ARID1B: variants seen among roughly 807,000 people sequenced by gnomAD.
ARID1B encodes the protein AT-rich interaction domain 1B.
Under a neutral mutation model 212.3 loss-of-function variants are expected in ARID1B, and 30 were observed. The ratio of observed to expected loss-of-function variants is 0.14; its 90% CI spans 0.11 to 0.19. The LOEUF is 0.19. Ranked by LOEUF, ARID1B falls within the 10% of genes least tolerant of loss-of-function variation. ARID1B has a pLI of 1.00. For missense variants in ARID1B, 2,891 were observed against 3,204.0 expected (o/e 0.90, Z 2.36); for synonymous variants, 1,402 against 1,301.7 (o/e 1.08, Z -1.66).
intron 3 of ARID1B, among the ~76,000 whole-genome samples, chr6:156,918,900 G>T (rs1427252150): frequency 6.6e-6 from 1 of 152,008 alleles, no homozygotes; most frequent in African/African-American, 2.4e-5. Context: ...TTTCTCCCTT[G>T]GGGGAAAAAC....
At chr6:156,972,526 A>G (rs1328701880) in intron 4 of ARID1B, among the ~76,000 whole-genome samples, 1 of 152,242 alleles carries the variant, frequency 6.6e-6, no homozygotes, top group Non-Finnish European at 1.5e-5. Context: ...TTTAGTTACC[A>G]GTGGAAGATG....
At chr6:156,933,073 G>A (rs1228271906) in intron 3 of ARID1B, among the ~76,000 whole-genome samples, 2 of 152,098 alleles carry the variant, frequency 1.3e-5, no homozygotes, top group African/African-American at 4.8e-5. Context: ...TTATTTTAGG[G>A]GGACGATGTC....
chr6:156,822,956 G>C (rs776930652), intron 1 of ARID1B, among the ~76,000 whole-genome samples: 1 of 152,188 alleles, frequency 6.6e-6, no homozygotes, highest in Non-Finnish European at 1.5e-5. Context: ...AAAAACAGAG[G>C]CATTTTGAGC....
chr6:157,160,444 C>G (rs1195497819), intron 8 of ARID1B, among the ~76,000 whole-genome samples: 1 of 152,224 alleles, frequency 6.6e-6, no homozygotes, highest in Non-Finnish European at 1.5e-5. Context: ...CGTTTCACCT[C>G]CACGATATTG....
intron 11 of ARID1B, among the ~76,000 whole-genome samples, chr6:157,178,887 T>TC (rs1040278545): frequency 2.6e-5 from 4 of 152,124 alleles, no homozygotes; most frequent in Admixed American, 2.6e-4. Context: ...CCAGAACCAC[T>TC]CCCCAGTTTC....
chr6:157,160,454 G>A (rs1440736025), intron 8 of ARID1B, among the ~76,000 whole-genome samples: 4 of 152,128 alleles, frequency 2.6e-5, no homozygotes, highest in South Asian at 4.1e-4. Flanking sequence ...CCACGATATT[G>A]CTCAACTCTC....
At chr6:157,042,497 T>C (rs998947025) in intron 4 of ARID1B, among the ~76,000 whole-genome samples, 89 of 152,156 alleles carry the variant, frequency 5.8e-4, no homozygotes, top group African/African-American at 2.0e-3. Context: ...TAATATTTGA[T>C]ATAAACTATT....
At chr6:157,142,381 T>A (rs1383817833) in intron 7 of ARID1B, among the ~76,000 whole-genome samples, 2 of 152,110 alleles carry the variant, frequency 1.3e-5, no homozygotes, top group East Asian at 3.8e-4. Context: ...ATCACAGCAC[T>A]TTGGGAGGCC....
intron 1 of ARID1B, among the ~76,000 whole-genome samples, chr6:156,783,951 A>T (rs1779456209): frequency 6.6e-6 from 1 of 152,140 alleles, no homozygotes; most frequent in Non-Finnish European, 1.5e-5. Context: ...ATTGATATTT[A>T]TGTTTGATAG....
chr6:156,948,556 A>G (rs757779184), intron 4 of ARID1B, among the ~76,000 whole-genome samples: 5 of 152,224 alleles, frequency 3.3e-5, no homozygotes, highest in African/African-American at 7.2e-5. Flanking sequence ...TAGTTGCTGC[A>G]TTTATGCCTT....
Position 157,125,306 on chromosome 6 carries a change from AG to A in ARID1B, c.2582-7721del, listed in dbSNP as rs530619571. Among the ~76,000 whole-genome samples the A allele has an allele frequency of 6.2e-3, 949 of 152,332 alleles. 11 individuals carry two copies. The highest frequency in any genetic ancestry group is 0.022 in the African/African-American group (909 of 41,566). On this transcript the variant is annotated intron_variant, in intron 6 of 19. Coordinates refer to ENST00000636930, the MANE Select transcript of ARID1B (RefSeq NM_001374828.1). The stretch of plus-strand genomic sequence containing the variant: ...GCCTGGCTGGAGATGCTCAAAGCTT[AG>A]AGGGCAGGAAGTCGTCAATGCTGGC...
chr6:157,012,449 T>C (rs961809093), intron 4 of ARID1B, among the ~76,000 whole-genome samples: 1 of 152,178 alleles, frequency 6.6e-6, no homozygotes, highest in African/African-American at 2.4e-5. Context: ...GTCACTTAGA[T>C]TGAGAATACA....
rs1246202974 is a variant in ARID1B, at chr6:156,778,476, G to A, written c.796G>A (p.Gly266Ser). 5.4e-6 allele frequency: 7 copies of A among 1,302,202 alleles called. No homozygotes were observed. The South Asian group carries it at 7.3e-5, about 14-fold the overall frequency. The allele number at this position is 1,302,202 out of a possible 1,614,324, so 80.7% of individuals were successfully genotyped here. A position where few individuals can be genotyped will look rare whatever the true frequency, so the allele number is the denominator to read the frequency against. The change falls in exon 1 of 20, where the codon GGC (glycine) becomes AGC (serine). Residue 266 changes from glycine (G) to serine (S), a missense_variant. By Grantham distance (56) the Gly-to-Ser change is moderately conservative. Transcript: ENST00000636930. Reference protein sequence around the residue: ...PPGPPLLSKPGDEDDAPPKMG... With the variant: ...PPGPPLLSKPSDEDDAPPKMG... Reference sequence around the variant, plus strand: ...GGGCCCGCCGCTGCTGAGCAAGCCGGGCGACGAGGACGACGCGCCGCCCAA... The same window carrying A: ...GGGCCCGCCGCTGCTGAGCAAGCCGAGCGACGAGGACGACGCGCCGCCCAA...
chr6:157,097,757 CTT>C (rs1785752423), intron 5 of ARID1B, among the ~76,000 whole-genome samples: 1 of 152,222 alleles, frequency 6.6e-6, no homozygotes, highest in South Asian at 2.1e-4. Flanking sequence ...CTCAGCTAAT[CTT>C]TCTCCTGGGG....
chr6:157,049,316 T>C (rs1252027199), intron 4 of ARID1B, among the ~76,000 whole-genome samples: 1 of 152,130 alleles, frequency 6.6e-6, no homozygotes, highest in Non-Finnish European at 1.5e-5. Context: ...TCCTCAAGTG[T>C]GACCTTCCTT....
intron 1 of ARID1B, among the ~76,000 whole-genome samples, chr6:156,800,934 G>A (rs1015372843): frequency 6.6e-6 from 1 of 152,156 alleles, no homozygotes; most frequent in African/African-American, 2.4e-5. Flanking sequence ...GTTAATGTCT[G>A]CAGTGGCATT....
intron 1 of ARID1B, among the ~76,000 whole-genome samples, chr6:156,805,762 A>G (rs185750695): frequency 6.6e-5 from 10 of 152,234 alleles, no homozygotes; most frequent in Non-Finnish European, 1.3e-4. Context: ...TGCAGCGTGT[A>G]ACTCCTGGGC....
chr6:157,083,484 C>T (rs1562603112), intron 4 of ARID1B, among the ~76,000 whole-genome samples: 1 of 152,166 alleles, frequency 6.6e-6, no homozygotes, highest in Non-Finnish European at 1.5e-5. Context: ...GAAGTAAAGG[C>T]TTTGTCTGCG....
chr6:157,000,547 T>C (rs1176750771), intron 4 of ARID1B, among the ~76,000 whole-genome samples: 1 of 152,184 alleles, frequency 6.6e-6, no homozygotes, highest in African/African-American at 2.4e-5. Flanking sequence ...TAATTTCACA[T>C]GTAATTATTT....
Sources: gnomAD v4.1 joint callset for allele counts (sites outside exome capture counted in the v4.1 genomes callset) on GRCh38, gnomAD v4.1.1 for gene constraint, MANE v1.5 for transcripts, NCBI Gene and HGNC (gene_info 2026-07-23, HGNC 2026-07-21) for gene names.